MYO19: variants seen among roughly 807,000 people sequenced by gnomAD.
MYO19 encodes unconventional myosin-XIX.
MYO19 carries 132 observed loss-of-function variants against 129.2 expected under a neutral mutation model. The ratio of observed to expected loss-of-function variants is 1.02; its 90% confidence interval spans 0.89 to 1.18. The LOEUF (loss-of-function observed/expected upper bound fraction) is 1.18. Ranked by LOEUF, MYO19 falls within the 50% of genes most tolerant of loss-of-function variation. The pLI is 0.00. For missense variants in MYO19, 1,210 were observed against 1,216.7 expected, an observed-to-expected ratio of 0.99 and a Z score of 0.08; for synonymous variants, 531 against 477.2, an observed-to-expected ratio of 1.11 and a Z score of -1.47.
chr17:36,544,613 C>G (rs567851770), upstream of MYO19, among the ~76,000 whole-genome samples: 14 of 152,200 alleles, frequency 9.2e-5, no homozygotes, highest in Admixed American at 7.9e-4. Context: ...ATAGACGACA[C>G]CCTGACGTCG....
At chr17:36,514,018 A>G (rs1022565498) in intron 9 of MYO19, among the ~76,000 whole-genome samples, 1 of 152,172 alleles carries the variant, frequency 6.6e-6, no homozygotes, top group African/African-American at 2.4e-5. Context: ...CATACCCATC[A>G]CCTAAGGATG....
intron 13 of MYO19, among the ~76,000 whole-genome samples, chr17:36,510,410 G>T (rs1480033590): frequency 1.3e-5 from 2 of 152,262 alleles, no homozygotes; most frequent in Non-Finnish European, 2.9e-5. Flanking sequence ...GAAGGCTCTA[G>T]ATCACCTTTG....
chr17:36,506,903 A>G (rs570244736), intron 17 of MYO19, 60 bp downstream of exon 17: 16 of 1,465,408 alleles, frequency 1.1e-5, no homozygotes, highest in Middle Eastern at 1.8e-4. Flanking sequence ...CTATGTCTGC[A>G]TAGCAAAGAC....
intron 20 of MYO19, 48 bp downstream of exon 20, chr17:36,503,902 C>T: frequency 1.4e-6 from 2 of 1,443,036 alleles, no homozygotes; most frequent in African/African-American, 1.4e-5. Context: ...GAGTCCTGAG[C>T]CCCACTCTGT....
rs899354735 is a variant in MYO19, at chr17:36,513,316, C to T, written c.894+113G>A. 1.6e-4 allele frequency: 260 copies of T among 1,588,678 alleles called. 2 individuals are homozygous for T. The Middle Eastern group carries it at 2.7e-3, about 16-fold the overall frequency. ...ATTCCTTGGAGGTAGCACAGAAGGG[C>T]CCAAAGTCCTAGATCCTCAGGGAAA... On this transcript the variant is annotated intron_variant, in intron 11 of 25. Transcript: ENST00000614623.
upstream of MYO19, chr17:36,537,661 G>A (rs544953074): frequency 1.9e-6 from 3 of 1,614,102 alleles, no homozygotes; most frequent in African/African-American, 4.0e-5. Flanking sequence ...GAGGTCAGGA[G>A]GAGAAAATAT....
At chr17:36,536,209 C>T (rs887751238), upstream of MYO19, among the ~76,000 whole-genome samples, 8 of 152,148 alleles carry the variant, frequency 5.3e-5, no homozygotes, top group Non-Finnish European at 1.2e-4. Flanking sequence ...CCATCCTAAC[C>T]TGAAAACATA....
intron 17 of MYO19, 37 bp downstream of exon 17, chr17:36,506,926 T>C (rs2071939925): frequency 1.3e-6 from 2 of 1,517,528 alleles, no homozygotes; most frequent in East Asian, 2.4e-5. Context: ...AGCATCTCGT[T>C]TCTCGCAGGC....
At chr17:36,512,196 A>AAC (rs57765074) in intron 11 of MYO19, among the ~76,000 whole-genome samples, 4,762 of 138,106 alleles carry the variant, frequency 0.034, 84 homozygotes, top group South Asian at 0.056. Flanking sequence ...ACTAAAAATA[A>AAC]ACACACACAC....
intron 6 of MYO19, among the ~76,000 whole-genome samples, chr17:36,519,652 AAG>A (rs2073020256): frequency 6.6e-6 from 1 of 152,018 alleles, no homozygotes; most frequent in South Asian, 2.1e-4. Flanking sequence ...AAAAAAAAAA[AAG>A]ATTTTACATC....
chr17:36,502,488 C>T (rs772938861), intron 21 of MYO19, among the ~76,000 whole-genome samples: 43 of 152,094 alleles, frequency 2.8e-4, no homozygotes, highest in Non-Finnish European at 4.7e-4. Flanking sequence ...AAATATTTCC[C>T]GACTGTGCCC....
chr17:36,543,196 C>A (rs902359038), exon 1 of MYO19: 1 of 152,204 alleles, frequency 6.6e-6, no homozygotes, highest in Non-Finnish European at 1.5e-5. Context: ...TCACTCGTCG[C>A]CCAGGCCGGA....
chr17:36,528,106 G>C lies in MYO19; in HGVS notation c.109C>G (p.Leu37Val), dbSNP rs751228629. 20 of 1,613,884 alleles carry C rather than the reference G, an allele frequency of 1.2e-5. No individual in the cohort carries two copies. Among genetic ancestry groups the C allele is most frequent in the Non-Finnish European group, 1.6e-5 (19 of 1,179,896 alleles). ...FLGGEVLLYK[L>V]DDLTRVNPVT... ...GGATTCACCCTGGTGAGGTCATCCA[G>C]TTTGTACAGCAGGACCTCCCCACCC... is the stretch of plus-strand genomic sequence containing the variant. Residue 37 changes from leucine (L) to valine (V), a missense_variant, in exon 4 of 26, where the codon CTG becomes GTG. Leu to Val is a conservative substitution (Grantham distance 32, BLOSUM62 1). Coordinates refer to ENST00000614623, the MANE Select transcript of MYO19 (RefSeq NM_001163735.2).
chr17:36,503,987 C>A lies in MYO19; in HGVS notation c.1939G>T (p.Glu647Ter). Residue 647 changes from glutamate to a stop codon, truncating the protein, a stop_gained, in exon 20 of 26, where the codon GAG becomes TAG. Coordinates refer to ENST00000614623, the MANE Select transcript of MYO19 (RefSeq NM_001163735.2). LOFTEE classifies it high-confidence loss of function. ...LSQLEACGLV[E>*]TIHISAAGFP... Reference sequence around the variant, plus strand: ...CCAGCAGCACTGATATGGATGGTCTCCACGAGGCCACAGGCCTCCAGCTGG... The same window carrying A: ...CCAGCAGCACTGATATGGATGGTCTACACGAGGCCACAGGCCTCCAGCTGG... 1 of 1,587,656 alleles carries A rather than the reference C, an allele frequency of 6.3e-7. No individual in the cohort carries two copies.
chr17:36,503,067 A>T, intron 21 of MYO19, 30 bp downstream of exon 21: 1 of 1,575,406 alleles, frequency 6.3e-7, no homozygotes, highest in African/African-American at 1.3e-5. Flanking sequence ...CTGTGGTTGC[A>T]CAAATGACTA....
chr17:36,514,584 C>T (rs2072610705), intron 8 of MYO19, 36 bp from the exon 9 acceptor site: 1 of 1,365,650 alleles, frequency 7.3e-7, no homozygotes, highest in Non-Finnish European at 1.0e-6. Context: ...GTTAGTTGCC[C>T]ATTCATTCCA....
At chr17:36,525,609 T>C (rs968895107) in intron 5 of MYO19, among the ~76,000 whole-genome samples, 1 of 152,168 alleles carries the variant, frequency 6.6e-6, no homozygotes, top group African/African-American at 2.4e-5. Flanking sequence ...CTTGCTTTAA[T>C]TGTCTTATCC....
intron 25 of MYO19, among the ~76,000 whole-genome samples, chr17:36,497,271 C>T (rs186260071): frequency 2.0e-5 from 3 of 151,864 alleles, no homozygotes; most frequent in Admixed American, 2.0e-4. Flanking sequence ...CCACTGCATT[C>T]CATCCTGGGC....
chr17:36,532,400 C>A, intron 3 of MYO19, 127 bp downstream of exon 3: 1 of 1,130,768 alleles, frequency 8.8e-7, no homozygotes, highest in Non-Finnish European at 1.3e-6. Context: ...GAGTAAAAGG[C>A]ACTGGAGAGA....
Sources: allele counts gnomAD v4.1 joint callset (sites outside exome capture counted in the v4.1 genomes callset), GRCh38; gene constraint gnomAD v4.1.1; transcripts MANE v1.5; gene names NCBI Gene and HGNC (gene_info 2026-07-23, HGNC 2026-07-21).